CHLSN: variants seen among roughly 807,000 people sequenced by gnomAD.
CHLSN encodes the protein protein cholesin.
At chr7:1,134,858 C>G in the CHLSN span, among the ~76,000 whole-genome samples, 1 of 152,068 alleles carries the variant, frequency 6.6e-6, no homozygotes, top group African/African-American at 2.4e-5. Flanking sequence ...GCCTGGGCTA[C>G]AGAGTGAGAC....
the CHLSN span, among the ~76,000 whole-genome samples, chr7:1,061,945 C>T: frequency 1.3e-5 from 2 of 152,058 alleles, no homozygotes; most frequent in African/African-American, 4.8e-5. Flanking sequence ...TCCCCGACTC[C>T]CTAGTTCTTC....
the CHLSN span, among the ~76,000 whole-genome samples, chr7:979,581 G>A: frequency 5.3e-5 from 8 of 152,132 alleles, no homozygotes; most frequent in Non-Finnish European, 7.4e-5. Context: ...GTGAAACCCC[G>A]TCTCTACTAA....
the CHLSN span, among the ~76,000 whole-genome samples, chr7:1,095,099 C>G: frequency 1.3e-5 from 2 of 151,622 alleles, no homozygotes; most frequent in East Asian, 3.9e-4. Flanking sequence ...GCCCGGCGCA[C>G]CCCTCCCTCT....
the CHLSN span, among the ~76,000 whole-genome samples, chr7:1,040,960 A>G: frequency 4.6e-5 from 7 of 152,270 alleles, no homozygotes; most frequent in Non-Finnish European, 8.8e-5. Context: ...CCGGGCCTCC[A>G]GCTGACAGTG....
At chr7:980,982 T>C in the CHLSN span, among the ~76,000 whole-genome samples, 2 of 151,668 alleles carry the variant, frequency 1.3e-5, no homozygotes, top group Non-Finnish European at 2.9e-5. Context: ...CATAAGCCAC[T>C]GCGCCTGGCC....
the CHLSN span, among the ~76,000 whole-genome samples, chr7:1,015,579 G>C: frequency 1.3e-5 from 2 of 152,256 alleles, no homozygotes; most frequent in Non-Finnish European, 2.9e-5. Flanking sequence ...AAGGAGGGCA[G>C]AGTGGGGAGA....
At chr7:1,042,005 T>C in the CHLSN span, among the ~76,000 whole-genome samples, 1 of 152,126 alleles carries the variant, frequency 6.6e-6, no homozygotes, top group Non-Finnish European at 1.5e-5. Flanking sequence ...GACACGCGGC[T>C]GCATCACAGC....
chr7:1,065,217 GC>G, the CHLSN span, among the ~76,000 whole-genome samples: 1 of 152,190 alleles, frequency 6.6e-6, no homozygotes, highest in Admixed American at 6.5e-5. Context: ...TAAGTGTGCA[GC>G]TGAGGTGGTG....
the CHLSN span, chr7:997,378 C>T: frequency 1.9e-5 from 9 of 482,486 alleles, no homozygotes; most frequent in African/African-American, 1.0e-4. Flanking sequence ...CCACGCTCTG[C>T]GCTGAAGGCA....
the CHLSN span, among the ~76,000 whole-genome samples, chr7:1,077,524 G>A: frequency 9.2e-5 from 14 of 152,072 alleles, no homozygotes; most frequent in African/African-American, 2.4e-4. Flanking sequence ...CACCGCGCCC[G>A]GCCCCAGGTC....
chr7:984,482 T>C, the CHLSN span: 13 of 1,551,906 alleles, frequency 8.4e-6, no homozygotes, highest in South Asian at 1.3e-4. Flanking sequence ...CTGACGGGGT[T>C]CGAGGCGGTC....
At chr7:1,063,688 G>T in the CHLSN span, among the ~76,000 whole-genome samples, 2 of 152,214 alleles carry the variant, frequency 1.3e-5, no homozygotes, top group Non-Finnish European at 2.9e-5. Flanking sequence ...CTGGTATTTT[G>T]TGCCAAGCCA....
At chr7:1,057,651 G>A in the CHLSN span, 6 of 770,366 alleles carry the variant, frequency 7.8e-6, no homozygotes, top group Middle Eastern at 2.4e-4. Flanking sequence ...GTGCTACAAC[G>A]CCCTGCTGGT....
At chr7:1,013,575 G>C in the CHLSN span, among the ~76,000 whole-genome samples, 1 of 152,206 alleles carries the variant, frequency 6.6e-6, no homozygotes, top group Admixed American at 6.5e-5. Flanking sequence ...CTGCAGTCTG[G>C]GGCCACTCTT....
chr7:1,011,418 GACACCCAGAAACACCCAC>G, the CHLSN span, among the ~76,000 whole-genome samples: 14 of 75,774 alleles, frequency 1.8e-4, no homozygotes, highest in African/African-American at 1.4e-3. Context: ...AACACCCACA[GACACCCAGAAACACCCAC>G]ACACCCAAAC....
the CHLSN span, among the ~76,000 whole-genome samples, chr7:1,060,949 C>T: frequency 2.0e-5 from 3 of 152,138 alleles, no homozygotes; most frequent in Non-Finnish European, 4.4e-5. Context: ...CCTACCCCTG[C>T]AGCCCAGCTC....
the CHLSN span, among the ~76,000 whole-genome samples, chr7:1,073,348 C>G: frequency 6.6e-6 from 1 of 152,140 alleles, no homozygotes; most frequent in Admixed American, 6.5e-5. Context: ...ACTCCCGTTT[C>G]GGAGACAAGT....
At chr7:1,108,261 G>A in the CHLSN span, among the ~76,000 whole-genome samples, 18 of 125,938 alleles carry the variant, frequency 1.4e-4, no homozygotes, top group African/African-American at 2.2e-4. Flanking sequence ...GCTGTGTCCC[G>A]CACTGGAGTC....
the CHLSN span, chr7:988,660 C>T: frequency 1.9e-6 from 3 of 1,601,406 alleles, no homozygotes; most frequent in Non-Finnish European, 2.5e-6. Context: ...TTGGGGAGCG[C>T]CTGGCCAGGA....
Sources: gnomAD v4.1 joint callset for allele counts (sites outside exome capture counted in the v4.1 genomes callset) on GRCh38, gnomAD v4.1.1 for gene constraint, MANE v1.5 for transcripts, NCBI Gene and HGNC (gene_info 2026-07-23, HGNC 2026-07-21) for gene names.